The following B3GNT5 variants were observed in gnomAD, a reference collection of about 807,000 sequenced individuals.
The protein encoded by B3GNT5 is lactosylceramide 1,3-N-acetyl-beta-D-glucosaminyltransferase.
In B3GNT5, 11 loss-of-function variants were observed where a neutral mutation model predicts 25.9. The observed-to-expected ratio is 0.42, with a 90% CI of 0.27 to 0.70. The LOEUF is 0.70. B3GNT5 is among the 30% of genes least tolerant of loss of function. B3GNT5 has a pLI of 0.23. For missense variants in B3GNT5, 385 were observed against 458.4 expected (o/e 0.84, Z 1.46); for synonymous variants, 166 against 158.6 (o/e 1.05, Z -0.35).
intron 1 of B3GNT5, chr3:183,266,244 T>C (rs1035104675): frequency 2.0e-5 from 3 of 152,220 alleles, no homozygotes; most frequent in Non-Finnish European, 4.4e-5. Context: ...AAGCTCAGAC[T>C]TGCAAACAAC....
Position 183,267,185 on chromosome 3 carries a change from T to A in B3GNT5, c.-301-2313T>A, listed in dbSNP as rs1476136321. ...AAAAGTTTCACAAAATGATTCTTGC[T>A]CTTACTACTCTCAGTACACTCTGTA... On this transcript the variant is annotated intron_variant, in intron 1 of 1. Coordinates refer to ENST00000326505, the MANE Select transcript of B3GNT5 (RefSeq NM_032047.5). The surrounding 1 kb of genome is among the most constrained non-coding windows in gnomAD (Gnocchi z 5.5). Among the ~76,000 whole-genome samples, 2 of 152,130 alleles carry A rather than the reference T, an allele frequency of 1.3e-5. No individual in the cohort carries two copies. The highest frequency in any genetic ancestry group is 2.9e-5 in the Non-Finnish European group (2 of 68,040).
Position 183,270,052 on chromosome 3 carries a change from C to T in B3GNT5, c.254C>T (p.Ala85Val). The change falls in exon 2 of 2, where the codon GCT (alanine) becomes GTT (valine). Residue 85 changes from alanine to valine, a missense_variant. Physicochemically the swap from Ala to Val is moderately conservative, Grantham distance 64. Coordinates refer to ENST00000326505, the MANE Select transcript of B3GNT5 (RefSeq NM_032047.5). This position sits in a 1 kb window ranked among gnomAD's most constrained non-coding sequence, Gnocchi z 4.5. ...YLINHKEKCQ[A>V]QDVLLLLFVK... ...ATTAACCACAAGGAAAAGTGTCAAG[C>T]TCAAGACGTCCTCCTTTTACTGTTT... 1.2e-6 allele frequency: 2 copies of T among 1,614,178 alleles called. No homozygotes were observed. The highest frequency in any genetic ancestry group is 1.7e-6 in the Non-Finnish European group (2 of 1,180,044).
At chr3:183,265,258 T>C (rs1301314226) in intron 1 of B3GNT5, 1 of 152,246 alleles carries the variant, frequency 6.6e-6, no homozygotes, top group African/African-American at 2.4e-5. Context: ...GTTTCTAGTC[T>C]GTTGATTGGC....
chr3:183,272,439 A>T lies in B3GNT5; in HGVS notation c.*1504A>T. On this transcript the variant is annotated 3_prime_UTR_variant, in exon 2 of 2. Coordinates refer to ENST00000326505, the MANE Select transcript of B3GNT5 (RefSeq NM_032047.5). ...GTCGGAAACACGCAAAACAAAACGA[A>T]AAAAGATTTCTCAGTATACACAACT... 1 of 1,000,212 alleles carries T rather than the reference A, an allele frequency of 1.0e-6. No individual in the cohort carries two copies. Among genetic ancestry groups the T allele is most frequent in the African/African-American group, 1.7e-5 (1 of 57,374 alleles). 62.0% of individuals were successfully genotyped at this position (1,000,212 alleles called of 1,614,324 possible).
Position 183,253,458 on chromosome 3 carries a change from A to G in B3GNT5, c.-316A>G, listed in dbSNP as rs1192668837. 6.6e-6 allele frequency: 1 copy of G among 152,274 alleles called. No homozygotes were observed. Among genetic ancestry groups the G allele is most frequent in the East Asian group, 1.9e-4 (1 of 5,188 alleles). 9.4% of individuals were successfully genotyped at this position (152,274 alleles called of 1,614,324 possible). On this transcript the variant is annotated 5_prime_UTR_variant, in exon 1 of 2. Transcript: ENST00000326505. ...TTCGCTCTAAACTGCCCTTGAAATG[A>G]AGCTGGACTTGGAGGTAAAGTCACT... is the stretch of plus-strand genomic sequence containing the variant.
chr3:183,267,329 C>T lies in B3GNT5; in HGVS notation c.-301-2169C>T, dbSNP rs1046250342. 6.6e-6 allele frequency among the ~76,000 whole-genome samples: 1 copy of T among 152,342 alleles called. No individual in the cohort carries two copies. On this transcript the variant is annotated intron_variant, in intron 1 of 1. Coordinates refer to ENST00000326505, the MANE Select transcript of B3GNT5 (RefSeq NM_032047.5). The surrounding 1 kb of genome is among the most constrained non-coding windows in gnomAD (Gnocchi z 5.5). ...ATCTCTGGACAAAGTCTGAATGGGG[C>T]TTGGCTCTAATCTCTAGTCCTCATT... is the stretch of plus-strand genomic sequence containing the variant.
At chr3:183,264,916 T>TTC (rs1360663383) in intron 1 of B3GNT5, among the ~76,000 whole-genome samples, 2 of 152,208 alleles carry the variant, frequency 1.3e-5, no homozygotes, top group Non-Finnish European at 2.9e-5. Context: ...ATGTTCCTAC[T>TTC]TCTATTCTTT....
chr3:183,261,038 T>C (rs982544392), intron 1 of B3GNT5, among the ~76,000 whole-genome samples: 1 of 152,218 alleles, frequency 6.6e-6, no homozygotes, highest in Non-Finnish European at 1.5e-5. Context: ...AATGTAACAG[T>C]TGCAAAGATA....
Position 183,272,344 on chromosome 3 carries a change from C to T in B3GNT5, c.*1409C>T. Reference sequence around the variant, plus strand: ...AATGACTTCAGCAAGAGTGACTGAACTCACTCTAAGGCCTTTGACTGCAGA... The same window carrying T: ...AATGACTTCAGCAAGAGTGACTGAATTCACTCTAAGGCCTTTGACTGCAGA... On this transcript the variant is annotated 3_prime_UTR_variant, in exon 2 of 2. Transcript: ENST00000326505. 3 of 999,978 alleles carry T rather than the reference C, an allele frequency of 3.0e-6. No individual in the cohort carries two copies. The highest frequency in any genetic ancestry group is 2.4e-6 in the Non-Finnish European group (2 of 829,782). The allele number at this position is 999,978 out of a possible 1,614,324, so 61.9% of individuals were successfully genotyped here.
At chr3:183,258,894 T>A (rs1725327509) in intron 1 of B3GNT5, among the ~76,000 whole-genome samples, 1 of 152,216 alleles carries the variant, frequency 6.6e-6, no homozygotes, top group Non-Finnish European at 1.5e-5. Flanking sequence ...CTGGCCCATG[T>A]ACTTTAAATC....
chr3:183,265,346 T>C (rs1725996358), intron 1 of B3GNT5: 1 of 152,332 alleles, frequency 6.6e-6, no homozygotes, highest in South Asian at 2.1e-4. Context: ...AGCTGCGCAT[T>C]CGGCATTGGG....
rs1327966387 is a variant in B3GNT5, at chr3:183,272,436, C to T, written c.*1501C>T. 9 of 999,828 alleles carry T rather than the reference C, an allele frequency of 9.0e-6. No individual in the cohort carries two copies. The highest frequency in any genetic ancestry group is 1.1e-5 in the Non-Finnish European group (9 of 829,928). The allele number at this position is 999,828 out of a possible 1,614,324, so 61.9% of individuals were successfully genotyped here. A position where few individuals can be genotyped will look rare whatever the true frequency, so the allele number is the denominator to read the frequency against. On this transcript the variant is annotated 3_prime_UTR_variant, in exon 2 of 2. Transcript: ENST00000326505. ...GATGTCGGAAACACGCAAAACAAAA[C>T]GAAAAAAGATTTCTCAGTATACACA...
Position 183,271,913 on chromosome 3 carries a change from A to G in B3GNT5, c.*978A>G, listed in dbSNP as rs1726812502. The G allele has an allele frequency of 6.0e-6, 1 of 167,886 alleles. No individual in the cohort carries two copies. Among genetic ancestry groups the G allele is most frequent in the Non-Finnish European group, 1.5e-5 (1 of 68,814 alleles). The allele number at this position is 167,886 out of a possible 1,614,324, so 10.4% of individuals were successfully genotyped here. A position where few individuals can be genotyped will look rare whatever the true frequency, so the allele number is the denominator to read the frequency against. ...GAAATCTTAGTGTCTAAATCCTTGT[A>G]CTGATTACTAAAATTAACCCACTCC... On this transcript the variant is annotated 3_prime_UTR_variant, in exon 2 of 2. Transcript: ENST00000326505.
chr3:183,271,272 G>T lies in B3GNT5; in HGVS notation c.*337G>T. Reference sequence around the variant, plus strand: ...TTTTGATGTTAGAATAATTGCTTTTGGAAAATACCAAATGAACGTACAGTA... The same window carrying T: ...TTTTGATGTTAGAATAATTGCTTTTTGAAAATACCAAATGAACGTACAGTA... On this transcript the variant is annotated 3_prime_UTR_variant, in exon 2 of 2. Transcript: ENST00000326505. The T allele has an allele frequency of 5.4e-6, 1 of 185,178 alleles. No homozygotes were observed. The highest frequency in any genetic ancestry group is 1.2e-5 in the Non-Finnish European group (1 of 80,524). The allele number at this position is 185,178 out of a possible 1,614,324, so 11.5% of individuals were successfully genotyped here.
intron 1 of B3GNT5, among the ~76,000 whole-genome samples, chr3:183,262,377 G>A (rs983540634): frequency 3.3e-5 from 5 of 152,078 alleles, no homozygotes; most frequent in Non-Finnish European, 7.4e-5. Flanking sequence ...GTGAGGCAGG[G>A]CTGTATAAGT....
chr3:183,261,860 T>C (rs1725615248), intron 1 of B3GNT5, among the ~76,000 whole-genome samples: 1 of 151,406 alleles, frequency 6.6e-6, no homozygotes, highest in Admixed American at 6.6e-5. Context: ...GATTTTATGG[T>C]AGAGGTTTGA....
rs1472605828 is a variant in B3GNT5 at position 183,267,163 on chromosome 3, AG to A, written c.-301-2334del. Among the ~76,000 whole-genome samples, 4 of 152,268 alleles carry A rather than the reference AG, an allele frequency of 2.6e-5. No individual in the cohort carries two copies. Among genetic ancestry groups the A allele is most frequent in the Non-Finnish European group, 1.5e-5 (1 of 68,030 alleles). On this transcript the variant is annotated intron_variant, in intron 1 of 1. Transcript: ENST00000326505. The surrounding 1 kb of genome is among the most constrained non-coding windows in gnomAD (Gnocchi z 5.5). ...AACACACACACACAGAAAACCCAAA[AG>A]TTTCACAAAATGATTCTTGCTCTTA...
rs115605859 is a variant in B3GNT5 at position 183,262,721 on chromosome 3, G to T, written c.-301-6777G>T. ...ACAGGAGGTGAAGTCTTCAGGGTGG[G>T]GGGGACAGAGCCTGGGAGGGGGAGA... On this transcript the variant is annotated intron_variant, in intron 1 of 1. Transcript: ENST00000326505. Among the ~76,000 whole-genome samples, 1,013 of 151,830 alleles carry T rather than the reference G, an allele frequency of 6.7e-3. 12 individuals are homozygous for T. The highest frequency in any genetic ancestry group is 0.022 in the African/African-American group (918 of 41,338).
intron 1 of B3GNT5, among the ~76,000 whole-genome samples, chr3:183,264,372 G>A (rs531559235): frequency 6.6e-6 from 1 of 152,222 alleles, no homozygotes; most frequent in Non-Finnish European, 1.5e-5. Context: ...TGTGCCTGGG[G>A]TTGGTGTCAT....
Sources: allele counts gnomAD v4.1 joint callset (sites outside exome capture counted in the v4.1 genomes callset), GRCh38; gene constraint gnomAD v4.1.1; non-coding constraint Gnocchi (gnomAD v3.1); transcripts MANE v1.5; gene names NCBI Gene and HGNC (gene_info 2026-07-23, HGNC 2026-07-21).